The following COG5 variants were observed in gnomAD, a reference collection of about 807,000 sequenced individuals.
COG5 encodes the protein conserved oligomeric Golgi complex subunit 5.
Under a neutral mutation model 110.4 loss-of-function variants are expected in COG5, and 86 were observed. That is an observed-to-expected ratio of 0.78 (90% confidence interval 0.65 to 0.93). The LOEUF (loss-of-function observed/expected upper bound fraction) is 0.93, where lower values mean the gene tolerates loss of function less well. Ranked by LOEUF, COG5 falls within the 40% of genes least tolerant of loss-of-function variation. The pLI is 0.00. For missense variants in COG5, 1,077 were observed against 987.0 expected (o/e 1.09, Z -1.22); for synonymous variants, 360 against 334.6 (o/e 1.08, Z -0.83).
At chr7:107,379,925 C>A (rs1814966357) in intron 7 of COG5, among the ~76,000 whole-genome samples, 2 of 152,188 alleles carry the variant, frequency 1.3e-5, no homozygotes, top group East Asian at 1.9e-4. Flanking sequence ...ACCAAGCGGA[C>A]CTAATAGTCA....
intron 6 of COG5, among the ~76,000 whole-genome samples, chr7:107,525,688 G>C (rs919722892): frequency 6.6e-6 from 1 of 152,000 alleles, no homozygotes; most frequent in East Asian, 1.9e-4. Flanking sequence ...AAGTAGTTGA[G>C]ACTGCAGGCA....
intron 6 of COG5, among the ~76,000 whole-genome samples, chr7:107,503,127 G>A (rs1798740674): frequency 1.3e-5 from 2 of 152,086 alleles, no homozygotes; most frequent in Admixed American, 6.6e-5. Flanking sequence ...CGGTTTGTAT[G>A]GCTTTGGGTC....
chr7:107,476,183 T>TA lies in COG5; in HGVS notation c.538+51053_538+51054insT, dbSNP rs1563056700. On this transcript the variant is annotated intron_variant, in intron 6 of 21. Transcript: ENST00000297135. Reference sequence around the variant, plus strand: ...TCTGGATTAATATAGTGCAATGATTTTAAAAAAAAAAAAAAAAAAAAAAAG... The same window carrying TA: ...TCTGGATTAATATAGTGCAATGATTTATAAAAAAAAAAAAAAAAAAAAAAAG... Among the ~76,000 whole-genome samples, 138 of 86,442 alleles carry TA rather than the reference T, an allele frequency of 1.6e-3. 1 individual carries two copies. The East Asian group carries it at 0.019, about 12-fold the overall frequency. 56.7% of individuals were successfully genotyped at this position (86,442 alleles called of 152,430 possible). A position where few individuals can be genotyped will look rare whatever the true frequency, so the allele number is the denominator to read the frequency against.
At chr7:107,434,503 A>C (rs1255489544) in intron 6 of COG5, among the ~76,000 whole-genome samples, 1 of 152,216 alleles carries the variant, frequency 6.6e-6, no homozygotes, top group African/African-American at 2.4e-5. Context: ...TTGGACGATG[A>C]GTGCACCAAA....
At chr7:107,416,429 A>G (rs1792851099) in intron 6 of COG5, among the ~76,000 whole-genome samples, 1 of 152,164 alleles carries the variant, frequency 6.6e-6, no homozygotes, top group South Asian at 2.1e-4. Context: ...TCATACTGAG[A>G]AACATAAGAC....
At chr7:107,309,212 CTATCA>C (rs1307088385) in intron 11 of COG5, among the ~76,000 whole-genome samples, 3 of 152,082 alleles carry the variant, frequency 2.0e-5, no homozygotes, top group Admixed American at 2.0e-4. Flanking sequence ...GCTGAAAATG[CTATCA>C]TATCAATATG....
chr7:107,506,553 T>C (rs1799023128), intron 6 of COG5, among the ~76,000 whole-genome samples: 2 of 152,150 alleles, frequency 1.3e-5, no homozygotes, highest in Admixed American at 1.3e-4. Context: ...GAGAATTGTA[T>C]GTAGGGAGTG....
At chr7:107,536,660 T>G (rs1202872180) in intron 5 of COG5, among the ~76,000 whole-genome samples, 1 of 152,152 alleles carries the variant, frequency 6.6e-6, no homozygotes, top group Non-Finnish European at 1.5e-5. Flanking sequence ...ATAGGAAGAA[T>G]CAATATCATG....
chr7:107,484,481 T>C (rs923257591), intron 6 of COG5, among the ~76,000 whole-genome samples: 1 of 152,162 alleles, frequency 6.6e-6, no homozygotes, highest in African/African-American at 2.4e-5. Context: ...AAAAACTCCC[T>C]AGATGCTCAG....
At position 107,203,465 on chromosome 7, in the gene COG5, C is replaced by T. The variant is rs992444192; in HGVS notation, c.*51G>A. 2.6e-5 allele frequency: 32 copies of T among 1,228,712 alleles called. No individual in the cohort carries two copies. The highest frequency in any genetic ancestry group is 3.8e-4 in the Middle Eastern group (2 of 5,280). The allele number at this position is 1,228,712 out of a possible 1,614,324, so 76.1% of individuals were successfully genotyped here. On this transcript the variant is annotated 3_prime_UTR_variant, in exon 22 of 22. Transcript: ENST00000297135. ...TCTTTTGGAGTATGTGTTTAACTGC[C>T]AACTATGAATGGGTTAGCACAAAGT...
At chr7:107,283,503 T>C in intron 13 of COG5, 68 bp downstream of exon 13, 1 of 1,330,194 alleles carries the variant, frequency 7.5e-7, no homozygotes, top group Non-Finnish European at 1.1e-6. Context: ...AAAAAGGTAC[T>C]GCTATCATAT....
At chr7:107,251,926 T>A (rs1802541267) in intron 16 of COG5, among the ~76,000 whole-genome samples, 1 of 152,068 alleles carries the variant, frequency 6.6e-6, no homozygotes, top group South Asian at 2.1e-4. Context: ...AGTTAAAAGC[T>A]GTTTCACTGA....
chr7:107,497,097 C>G (rs1584896293), intron 6 of COG5, among the ~76,000 whole-genome samples: 1 of 152,074 alleles, frequency 6.6e-6, no homozygotes, highest in South Asian at 2.1e-4. Flanking sequence ...TGTGTCCCAG[C>G]CACTCAAGTG....
At chr7:107,501,662 G>A (rs1271946868) in intron 6 of COG5, among the ~76,000 whole-genome samples, 2 of 152,034 alleles carry the variant, frequency 1.3e-5, no homozygotes, top group African/African-American at 4.8e-5. Context: ...ACTTCAATTA[G>A]TTTTAAAAAA....
chr7:107,294,932 C>G (rs181261351), intron 12 of COG5, among the ~76,000 whole-genome samples: 1 of 95,374 alleles, frequency 1.0e-5, no homozygotes, highest in Non-Finnish European at 2.1e-5. Flanking sequence ...TGTATATATA[C>G]ACACACACAC....
Position 107,373,010 on chromosome 7 carries a change from A to G in COG5, c.670-250T>C, listed in dbSNP as rs150006857. Reference sequence around the variant, plus strand: ...CCTTACCATTTTTGTCCTCCTTTAAAAAATAACAAGAAGTTTGAAAGTCTG... The same window carrying G: ...CCTTACCATTTTTGTCCTCCTTTAAGAAATAACAAGAAGTTTGAAAGTCTG... On this transcript the variant is annotated intron_variant, in intron 7 of 21. Coordinates refer to ENST00000297135, the MANE Select transcript of COG5 (RefSeq NM_006348.5). Among the ~76,000 whole-genome samples the G allele has an allele frequency of 5.8e-4, 89 of 152,290 alleles. 4 individuals are homozygous for G. In the East Asian group the frequency reaches 0.013, roughly 23 times the overall value.
intron 6 of COG5, among the ~76,000 whole-genome samples, chr7:107,433,887 A>G (rs1794188966): frequency 6.6e-6 from 1 of 152,206 alleles, no homozygotes; most frequent in Non-Finnish European, 1.5e-5. Context: ...AACCTACAGA[A>G]TGGGAGAAAA....
At chr7:107,346,774 A>G (rs1361315653) in intron 10 of COG5, among the ~76,000 whole-genome samples, 1 of 151,944 alleles carries the variant, frequency 6.6e-6, no homozygotes, top group Non-Finnish European at 1.5e-5. Context: ...ACATATGTAT[A>G]CATGTGCCAT....
chr7:107,239,328 G>A (rs1373288498), intron 17 of COG5, among the ~76,000 whole-genome samples: 1 of 152,026 alleles, frequency 6.6e-6, no homozygotes, highest in Admixed American at 6.5e-5. Flanking sequence ...GTCAATGCCA[G>A]CGCACCATGC....
Sources: allele counts gnomAD v4.1 joint callset (sites outside exome capture counted in the v4.1 genomes callset), GRCh38; gene constraint gnomAD v4.1.1; transcripts MANE v1.5; gene names NCBI Gene and HGNC (gene_info 2026-07-23, HGNC 2026-07-21).